Variants in SPICE1 observed in about 807,000 individuals in gnomAD.
SPICE1 encodes the protein spindle and centriole associated protein 1.
A neutral mutation model predicts 102.7 loss-of-function variants in SPICE1; 75 were observed. The observed-to-expected ratio is 0.73, with a 90% CI of 0.61 to 0.88. The LOEUF (loss-of-function observed/expected upper bound fraction) is 0.88, where lower values mean the gene tolerates loss of function less well. Among genes scored for constraint, SPICE1 ranks in the 40% least tolerant of loss-of-function variants. SPICE1 has a pLI of 0.00. For missense variants in SPICE1, 979 were observed against 1,020.1 expected (o/e 0.96, Z 0.55); for synonymous variants, 308 against 350.3 (o/e 0.88, Z 1.35).
At chr3:113,502,222 A>T (rs1937022177) in intron 3 of SPICE1, among the ~76,000 whole-genome samples, 1 of 152,106 alleles carries the variant, frequency 6.6e-6, no homozygotes, top group Non-Finnish European at 1.5e-5. Flanking sequence ...CAAAAAATAC[A>T]AAACTTAGCC....
At chr3:113,489,328 AC>A (rs1411942343) in intron 6 of SPICE1, among the ~76,000 whole-genome samples, 1 of 152,004 alleles carries the variant, frequency 6.6e-6, no homozygotes, top group Non-Finnish European at 1.5e-5. Context: ...CCCTATACTT[AC>A]CTTAAGCTAT....
intron 4 of SPICE1, 81 bp downstream of exon 4, chr3:113,499,355 CCAA>C: frequency 7.0e-7 from 1 of 1,418,672 alleles, no homozygotes; most frequent in Non-Finnish European, 9.5e-7. Flanking sequence ...TAGAGTCTCT[CCAA>C]CGTGAATCAA....
intron 10 of SPICE1, 141 bp from the exon 11 acceptor site, chr3:113,465,925 G>T: frequency 1.7e-5 from 12 of 718,642 alleles, no homozygotes; most frequent in South Asian, 5.0e-5. Context: ...TTATTAAAAG[G>T]TTTATTATAT....
intron 14 of SPICE1, among the ~76,000 whole-genome samples, chr3:113,452,256 G>T (rs1193841310): frequency 6.6e-6 from 1 of 152,200 alleles, no homozygotes; most frequent in African/African-American, 2.4e-5. Context: ...CAGACTAGCA[G>T]CACTGGCATC....
intron 7 of SPICE1, among the ~76,000 whole-genome samples, chr3:113,477,599 T>C (rs1440562434): frequency 1.3e-5 from 2 of 152,104 alleles, no homozygotes; most frequent in Non-Finnish European, 2.9e-5. Context: ...TGGAATACTA[T>C]GCAGCCTTAA....
intron 7 of SPICE1, among the ~76,000 whole-genome samples, chr3:113,487,238 T>C (rs529223945): frequency 6.6e-6 from 1 of 152,236 alleles, no homozygotes; most frequent in East Asian, 1.9e-4. Context: ...TGAATAAATA[T>C]ACTTGTGTAA....
rs971751472 is a variant in SPICE1 at position 113,491,334 on chromosome 3, T to C, written c.492+1872A>G. 3.3e-5 allele frequency among the ~76,000 whole-genome samples: 5 copies of C among 152,130 alleles called. No homozygotes were observed. The East Asian group carries it at 9.6e-4, about 29-fold the overall frequency. On this transcript the variant is annotated intron_variant, in intron 6 of 17. Transcript: ENST00000295872. Reference sequence around the variant, plus strand: ...TTTCTTGGTGACTCAAGATTATCTATAGCAGGCCGGGCGTGGTGGCTCACG... The same window carrying C: ...TTTCTTGGTGACTCAAGATTATCTACAGCAGGCCGGGCGTGGTGGCTCACG...
intron 7 of SPICE1, among the ~76,000 whole-genome samples, chr3:113,488,450 A>G (rs1936693489): frequency 6.6e-6 from 1 of 152,218 alleles, no homozygotes; most frequent in African/African-American, 2.4e-5. Flanking sequence ...TGTATTTTGC[A>G]ACAACTTGGA....
At position 113,443,546 on chromosome 3, in the gene SPICE1, T is replaced by C. The variant is rs904004910; in HGVS notation, c.*1761A>G. 1 of 152,232 alleles carries C rather than the reference T, an allele frequency of 6.6e-6. No homozygotes were observed. The highest frequency in any genetic ancestry group is 1.5e-5 in the Non-Finnish European group (1 of 68,032). 9.4% of individuals were successfully genotyped at this position (152,232 alleles called of 1,614,324 possible). ...GGTCTACTATGAGATTCAAATGAGA[T>C]AATGGTGATACCACAGCTTATAGTA... On this transcript the variant is annotated 3_prime_UTR_variant, in exon 18 of 18. Transcript: ENST00000295872.
intron 2 of SPICE1, among the ~76,000 whole-genome samples, chr3:113,504,443 G>A (rs1270624987): frequency 6.6e-6 from 1 of 151,776 alleles, no homozygotes; most frequent in Non-Finnish European, 1.5e-5. Flanking sequence ...AAAGGTACAA[G>A]AGCCAGGCAT....
At chr3:113,488,767 TAA>T (rs1936700032) in intron 7 of SPICE1, among the ~76,000 whole-genome samples, 176 bp downstream of exon 7, 1 of 152,140 alleles carries the variant, frequency 6.6e-6, no homozygotes, top group South Asian at 2.1e-4. Context: ...TGAATCTGAG[TAA>T]AGAGTATACA....
At position 113,453,918 on chromosome 3, in the gene SPICE1, G is replaced by C. The variant is rs1011879811; in HGVS notation, c.1690C>G (p.Pro564Ala). Residue 564 changes from proline (P) to alanine (A), a missense_variant, in exon 14 of 18, where the codon CCA becomes GCA. Transcript: ENST00000295872. ...ATTTCCACAGTTGGAGGAAGTCGTG[G>C]AGCAGGACGAGTTTGAACAGTCCTT... ...LRRTVQTRPA[P>A]RLPPTVEIIE... 3.1e-6 allele frequency: 5 copies of C among 1,613,836 alleles called. No individual in the cohort carries two copies. Among genetic ancestry groups the C allele is most frequent in the East Asian group, 4.5e-5 (2 of 44,870 alleles).
Position 113,443,714 on chromosome 3 carries a change from C to T in SPICE1, c.*1593G>A, listed in dbSNP as rs1266678921. On this transcript the variant is annotated 3_prime_UTR_variant, in exon 18 of 18. Transcript: ENST00000295872. ...GCTTTGGAGAAAGACTGCCTATGTT[C>T]CCATTCTAATGCCACCACTCCCTAG... 1 of 152,206 alleles carries T rather than the reference C, an allele frequency of 6.6e-6. No homozygotes were observed. Among genetic ancestry groups the T allele is most frequent in the Non-Finnish European group, 1.5e-5 (1 of 68,048 alleles). 9.4% of individuals were successfully genotyped at this position (152,206 alleles called of 1,614,324 possible).
chr3:113,510,341 T>C (rs1937194313), intron 1 of SPICE1, among the ~76,000 whole-genome samples: 1 of 152,158 alleles, frequency 6.6e-6, no homozygotes, highest in South Asian at 2.1e-4. Context: ...AGAACAAAGT[T>C]GGAGGCATCA....
chr3:113,469,698 T>C (rs1355574304), intron 7 of SPICE1, among the ~76,000 whole-genome samples: 1 of 152,100 alleles, frequency 6.6e-6, no homozygotes, highest in East Asian at 1.9e-4. Context: ...GACAGGTAGA[T>C]AGCAAAAATG....
intron 13 of SPICE1, among the ~76,000 whole-genome samples, chr3:113,455,463 A>T (rs1935758526): frequency 6.6e-6 from 1 of 152,230 alleles, no homozygotes; most frequent in Admixed American, 6.5e-5. Context: ...TTTAAAATTC[A>T]GTTTCTCAGT....
At chr3:113,469,465 T>C (rs943355061) in intron 7 of SPICE1, among the ~76,000 whole-genome samples, 2 of 146,384 alleles carry the variant, frequency 1.4e-5, no homozygotes, top group African/African-American at 4.9e-5. Context: ...TATATAATAA[T>C]TACACATAAT....
intron 7 of SPICE1, among the ~76,000 whole-genome samples, chr3:113,479,435 T>C (rs56026865): frequency 0.025 from 3,743 of 152,054 alleles, 71 homozygotes; most frequent in Non-Finnish European, 0.042. Context: ...GCAATAAACA[T>C]ACGTGTGCAT....
chr3:113,461,446 T>G (rs1446123012), intron 11 of SPICE1, among the ~76,000 whole-genome samples: 1 of 152,166 alleles, frequency 6.6e-6, no homozygotes, highest in African/African-American at 2.4e-5. Context: ...GTTCAGTGTT[T>G]AGAATTCCAT....
Sources: gnomAD v4.1 joint callset for allele counts (sites outside exome capture counted in the v4.1 genomes callset) on GRCh38, gnomAD v4.1.1 for gene constraint, MANE v1.5 for transcripts, NCBI Gene and HGNC (gene_info 2026-07-23, HGNC 2026-07-21) for gene names.